ADAM19: variants seen among roughly 807,000 people sequenced by gnomAD.
The protein encoded by ADAM19 is disintegrin and metalloproteinase domain-containing protein 19.
Under a neutral mutation model 114.7 loss-of-function variants are expected in ADAM19, and 65 were observed. The ratio of observed to expected loss-of-function variants is 0.57; its 90% confidence interval spans 0.46 to 0.70. ADAM19 has a LOEUF of 0.70. Ranked by LOEUF, ADAM19 falls within the 30% of genes least tolerant of loss-of-function variation. ADAM19 has a pLI of 0.00. For synonymous variants in ADAM19, 466 were observed against 460.5 expected (o/e 1.01, Z -0.15); for missense variants, 1,063 against 1,204.7 (o/e 0.88, Z 1.74).
intron 3 of ADAM19, among the ~76,000 whole-genome samples, chr5:157,556,686 G>T (rs1240293819): frequency 6.6e-6 from 1 of 152,192 alleles, no homozygotes; most frequent in African/African-American, 2.4e-5. Flanking sequence ...GTAGTAAGAG[G>T]CAGGCAGGCC....
At position 157,559,659 on chromosome 5, in the gene ADAM19, G is replaced by A. The variant is rs572877722; in HGVS notation, c.251+4714C>T. On this transcript the variant is annotated intron_variant, in intron 3 of 22. Transcript: ENST00000257527. ...AAGTTTTTGTCAAATATGGGTTCCT[G>A]GGTTGGTGAGGTAGTCTCAGGACAT... 5.9e-5 allele frequency among the ~76,000 whole-genome samples: 9 copies of A among 152,282 alleles called. No homozygotes were observed. In the South Asian group the frequency reaches 1.2e-3, roughly 21 times the overall value.
rs944306640 is a variant in ADAM19, at chr5:157,492,448, T to A, written c.1908+525A>T. 4.6e-5 allele frequency among the ~76,000 whole-genome samples: 7 copies of A among 152,212 alleles called. No individual in the cohort carries two copies. In the South Asian group the frequency reaches 1.2e-3, roughly 27 times the overall value. ...TAGGGAGAAAACGACAAATATATTG[T>A]TAAAGTATCATATTTAACAATACAA... On this transcript the variant is annotated intron_variant, in intron 16 of 22. Coordinates refer to ENST00000257527, the MANE Select transcript of ADAM19 (RefSeq NM_033274.5).
intron 5 of ADAM19, among the ~76,000 whole-genome samples, chr5:157,528,173 T>C (rs1756525087): frequency 6.6e-6 from 1 of 152,238 alleles, no homozygotes; most frequent in Non-Finnish European, 1.5e-5. Flanking sequence ...CCATCTGGCA[T>C]GAGTCTCCAG....
At chr5:157,557,455 G>A (rs1757397214) in intron 3 of ADAM19, among the ~76,000 whole-genome samples, 1 of 152,176 alleles carries the variant, frequency 6.6e-6, no homozygotes, top group Admixed American at 6.5e-5. Flanking sequence ...GTATCATGAA[G>A]CTGCATCCCT....
Position 157,479,972 on chromosome 5 carries a change from T to C in ADAM19, c.*977A>G, listed in dbSNP as rs986495982. ...AATAAACATATGACCCCAATGGCCATGCCCCAAGTCTACTCTGGTCACACT... is the reference window on the plus strand; with the variant it reads ...AATAAACATATGACCCCAATGGCCACGCCCCAAGTCTACTCTGGTCACACT... On this transcript the variant is annotated 3_prime_UTR_variant, in exon 23 of 23. Transcript: ENST00000257527. 2.0e-6 allele frequency: 2 copies of C among 985,610 alleles called. No individual in the cohort carries two copies. The highest frequency in any genetic ancestry group is 1.1e-4 in the East Asian group (1 of 8,824). The allele number at this position is 985,610 out of a possible 1,614,324, so 61.1% of individuals were successfully genotyped here. A position where few individuals can be genotyped will look rare whatever the true frequency, so the allele number is the denominator to read the frequency against.
chr5:157,490,588 T>C (rs908744519), intron 18 of ADAM19, 134 bp from the exon 19 acceptor site: 2 of 1,181,294 alleles, frequency 1.7e-6, no homozygotes, highest in African/African-American at 3.1e-5. Flanking sequence ...AACTTACAAA[T>C]TATAATTAAA....
intron 20 of ADAM19, 138 bp from the exon 21 acceptor site, chr5:157,488,627 G>T (rs1755038539): frequency 4.6e-6 from 3 of 654,394 alleles, no homozygotes; most frequent in Non-Finnish European, 5.1e-6. Context: ...CCAGAAGTCA[G>T]ATGCAACCTT....
At chr5:157,499,339 A>G (rs944144555) in intron 13 of ADAM19, among the ~76,000 whole-genome samples, 1 of 152,160 alleles carries the variant, frequency 6.6e-6, no homozygotes, top group Admixed American at 6.5e-5. Context: ...GAAAAAAAAA[A>G]GTACCATTTC....
Position 157,494,787 on chromosome 5 carries a change from G to A in ADAM19, c.1603C>T (p.Pro535Ser), listed in dbSNP as rs1561845053. ...TTCTCGAAGCAGAGGTCAGGGGCAGGTCGGGCTCCTGGGTGGGCAAGCAAC... is the reference window on the plus strand; with the variant it reads ...TTCTCGAAGCAGAGGTCAGGGGCAGATCGGGCTCCTGGGTGGGCAAGCAAC... ...CQQLWGPGAR[P>S]APDLCFEKVN... is the part of the protein sequence containing the mutation. The change falls in exon 15 of 23, where the codon CCT (proline) becomes TCT (serine). Residue 535 changes from proline (P) to serine (S), a missense_variant. By Grantham distance (74) the Pro-to-Ser change is moderately conservative. Around this residue, in one of 3 missense-constraint regions of ADAM19, gnomAD observed 615 missense variants for 706.3 expected, o/e 0.87. Transcript: ENST00000257527. The A allele has an allele frequency of 6.2e-7, 1 of 1,613,620 alleles. No individual in the cohort carries two copies. The highest frequency in any genetic ancestry group is 1.7e-5 in the Admixed American group (1 of 60,014).
chr5:157,486,778 C>T (rs992621822), intron 21 of ADAM19, among the ~76,000 whole-genome samples: 2 of 151,946 alleles, frequency 1.3e-5, no homozygotes, highest in Admixed American at 6.5e-5. Context: ...AGGGACTGAA[C>T]TGTGCACTCA....
At chr5:157,567,916 C>CCCCAAATCAAAG in intron 2 of ADAM19, 1 of 152,194 alleles carries the variant, frequency 6.6e-6, no homozygotes, top group South Asian at 2.1e-4. Flanking sequence ...ATGAATACTG[C>CCCCAAATCAAAG]CCCAAATCAA....
intron 3 of ADAM19, among the ~76,000 whole-genome samples, chr5:157,561,768 C>T (rs1453991733): frequency 6.6e-6 from 1 of 152,120 alleles, no homozygotes; most frequent in Non-Finnish European, 1.5e-5. Flanking sequence ...GCTCCTCTGT[C>T]TCCTGCACAG....
chr5:157,537,866 C>T, intron 4 of ADAM19, 47 bp downstream of exon 4: 1 of 1,540,558 alleles, frequency 6.5e-7, no homozygotes, highest in Non-Finnish European at 9.0e-7. Context: ...AGGAGTAGGG[C>T]TGGGAGAGGA....
At chr5:157,498,694 A>G (rs969664382) in intron 13 of ADAM19, among the ~76,000 whole-genome samples, 5 of 149,320 alleles carry the variant, frequency 3.3e-5, no homozygotes, top group African/African-American at 7.3e-5. Context: ...GTATGTATAT[A>G]TATATATATA....
chr5:157,489,121 G>A lies in ADAM19; in HGVS notation c.2306C>T (p.Thr769Met), dbSNP rs766654040. The part of the protein sequence containing the change: ...GHANPTFKLQ[T>M]PQGKRKVINT... ...TCTTACCTTTCGCTTGCCCTGGGGC[G>A]TCTGCAGCTTGAAAGTTGGGTTGGC... The change falls in exon 20 of 23, where the codon ACG becomes ATG. Residue 769 changes from threonine (T) to methionine (M), a missense_variant. Transcript: ENST00000257527. The A allele has an allele frequency of 4.3e-5, 69 of 1,614,020 alleles. No individual in the cohort carries two copies. The highest frequency in any genetic ancestry group is 1.6e-4 in the Middle Eastern group (1 of 6,082).
At chr5:157,481,726 C>A (rs999598288) in intron 22 of ADAM19, 65 bp downstream of exon 22, 16 of 1,551,926 alleles carry the variant, frequency 1.0e-5, no homozygotes, top group African/African-American at 1.4e-5. Context: ...TTTCTCAACT[C>A]TACACCTGCC....
chr5:157,529,145 T>G (rs1311983712), intron 5 of ADAM19, among the ~76,000 whole-genome samples: 2 of 152,208 alleles, frequency 1.3e-5, no homozygotes, highest in Non-Finnish European at 2.9e-5. Flanking sequence ...TTTTCCTTTT[T>G]GTCATAGAGC....
At position 157,556,622 on chromosome 5, in the gene ADAM19, C is replaced by A. The variant is rs549076182; in HGVS notation, c.251+7751G>T. On this transcript the variant is annotated intron_variant, in intron 3 of 22. Transcript: ENST00000257527. ...GGAGAGGGTGCATTTTTCAGCCTTC[C>A]ACACCCTGCAATGAAGGTATCAATG... Among the ~76,000 whole-genome samples the A allele has an allele frequency of 6.6e-5, 10 of 152,138 alleles. No individual in the cohort carries two copies. The East Asian group carries it at 1.7e-3, about 26-fold the overall frequency.
chr5:157,545,177 A>G (rs982471817), intron 3 of ADAM19, among the ~76,000 whole-genome samples: 2 of 152,236 alleles, frequency 1.3e-5, no homozygotes, highest in African/African-American at 4.8e-5. Context: ...CACAGACCGC[A>G]CCCAAAGCAT....
Sources: gnomAD v4.1 joint callset for allele counts (sites outside exome capture counted in the v4.1 genomes callset) on GRCh38, gnomAD v4.1.1 for gene constraint, gnomAD v4.1.1 regional missense constraint, MANE v1.5 for transcripts, NCBI Gene and HGNC (gene_info 2026-07-23, HGNC 2026-07-21) for gene names.